Variants in POLR2J observed in about 807,000 individuals in gnomAD.
POLR2J encodes the protein RNA polymerase II subunit J, also known as DNA-directed RNA polymerase II subunit RPB11-a.
A neutral mutation model predicts 13.4 loss-of-function variants in POLR2J; 12 were observed. That is an observed-to-expected ratio of 0.90 (90% CI 0.57 to 1.45). The LOEUF is 1.45. Among genes scored for constraint, POLR2J ranks in the 40% most tolerant of loss-of-function variants. The pLI, the probability that POLR2J is intolerant of heterozygous loss-of-function variation, is 0.00. For missense variants in POLR2J, 58 were observed against 132.0 expected (o/e 0.44, Z 2.75); for synonymous variants, 31 against 53.6 (o/e 0.58, Z 1.84).
intron 3 of POLR2J, 56 bp from the exon 4 acceptor site, chr7:102,473,740 G>A: frequency 9.3e-6 from 15 of 1,610,342 alleles, no homozygotes; most frequent in South Asian, 1.1e-5. Flanking sequence ...CAAGGACGCT[G>A]GAAACACATG....
intron 3 of POLR2J, 70 bp from the exon 4 acceptor site, chr7:102,473,754 A>G (rs1798317347): frequency 1.2e-6 from 2 of 1,602,140 alleles, no homozygotes; most frequent in Non-Finnish European, 1.7e-6. Context: ...ACACATGCCC[A>G]GCATCCCCCC....
Position 102,473,349 on chromosome 7 carries a change from T to G in POLR2J, c.*300A>C, listed in dbSNP as rs992837181. ...TGGACCCCGGATCTTTGGTCCAGAA[T>G]GAATTCATCCCTGCCAGCCGGACGC... On this transcript the variant is annotated 3_prime_UTR_variant, in exon 4 of 4. Coordinates refer to ENST00000292614, the MANE Select transcript of POLR2J (RefSeq NM_006234.6). 2 of 564,466 alleles carry G rather than the reference T, an allele frequency of 3.5e-6. No homozygotes were observed. Among genetic ancestry groups the G allele is most frequent in the South Asian group, 5.0e-5 (2 of 39,764 alleles). 35.0% of individuals were successfully genotyped at this position (564,466 alleles called of 1,614,324 possible).
In POLR2J at chr7:102,478,897, G is replaced by C. The variant is rs750309933; in HGVS notation, c.-37C>G. On this transcript the variant is annotated 5_prime_UTR_variant, in exon 1 of 4. Transcript: ENST00000292614. Reference sequence around the variant, plus strand: ...CGTTGCGTCCAGACCCCAAGGGTCCGCCGCCGCCGCCACCAGAGCCCTAAT... The same window carrying C: ...CGTTGCGTCCAGACCCCAAGGGTCCCCCGCCGCCGCCACCAGAGCCCTAAT... 2.7e-6 allele frequency: 4 copies of C among 1,459,396 alleles called. No homozygotes were observed. The highest frequency in any genetic ancestry group is 4.6e-5 in the East Asian group (2 of 43,522). 90.4% of individuals were successfully genotyped at this position (1,459,396 alleles called of 1,614,324 possible).
chr7:102,473,515 G>T lies in POLR2J; in HGVS notation c.*134C>A. 7.4e-7 allele frequency: 1 copy of T among 1,350,146 alleles called. No homozygotes were observed. The highest frequency in any genetic ancestry group is 1.4e-5 in the African/African-American group (1 of 69,748). 83.6% of individuals were successfully genotyped at this position (1,350,146 alleles called of 1,614,324 possible). A position where few individuals can be genotyped will look rare whatever the true frequency, so the allele number is the denominator to read the frequency against. On this transcript the variant is annotated 3_prime_UTR_variant, in exon 4 of 4. Coordinates refer to ENST00000292614, the MANE Select transcript of POLR2J (RefSeq NM_006234.6). ...CCTAATCTATGTACAGGACACGTCG[G>T]TGTCAGGGTGAGGGGTGGCCACAAG...
rs1191256748 is a variant in POLR2J, at chr7:102,474,609, G to C, written c.144-74C>G. 1.5e-4 allele frequency: 209 copies of C among 1,409,152 alleles called. 2 individuals are homozygous for C. The highest frequency in any genetic ancestry group is 4.8e-4 in the Middle Eastern group (2 of 4,172). 87.3% of individuals were successfully genotyped at this position (1,409,152 alleles called of 1,614,324 possible). A position where few individuals can be genotyped will look rare whatever the true frequency, so the allele number is the denominator to read the frequency against. ...GGGTAGCAGCCAGCTCAGAGCAGAAGAACAGACTTTCTAGCCAAAAATCCC... is the reference window on the plus strand; with the variant it reads ...GGGTAGCAGCCAGCTCAGAGCAGAACAACAGACTTTCTAGCCAAAAATCCC... On this transcript the variant is annotated intron_variant, in intron 2 of 3. Coordinates refer to ENST00000292614, the MANE Select transcript of POLR2J (RefSeq NM_006234.6).
rs754227739 is a variant in POLR2J, at chr7:102,474,561, G to C, written c.144-26C>G. ...CTGAGGTCAGGGACAGACAGTGTGA[G>C]GGTCTAGCCTCATGCCCAAGCTGGG... is the stretch of plus-strand genomic sequence containing the variant. On this transcript the variant is annotated intron_variant, in intron 2 of 3. Coordinates refer to ENST00000292614, the MANE Select transcript of POLR2J (RefSeq NM_006234.6). 39 of 1,255,646 alleles carry C rather than the reference G, an allele frequency of 3.1e-5. 5 individuals are homozygous for C. In the South Asian group the frequency reaches 4.6e-4, roughly 15 times the overall value. 77.8% of individuals were successfully genotyped at this position (1,255,646 alleles called of 1,614,324 possible).
In POLR2J at chr7:102,474,273, C is replaced by T. The variant is rs530158578; in HGVS notation, c.318+88G>A. 1.4e-4 allele frequency: 231 copies of T among 1,608,888 alleles called. 2 individuals are homozygous for T. In the African/African-American group the frequency reaches 2.5e-3, roughly 17 times the overall value. Reference sequence around the variant, plus strand: ...ACTGCCGCCTCTCCCCCAGGACCTCCGAAGAAACAGGCCAGGGCTGTCCCA... The same window carrying T: ...ACTGCCGCCTCTCCCCCAGGACCTCTGAAGAAACAGGCCAGGGCTGTCCCA... On this transcript the variant is annotated intron_variant, in intron 3 of 3. Transcript: ENST00000292614.
rs1004368449 is a variant in POLR2J, at chr7:102,474,053, C to T, written c.318+308G>A. 64 of 1,448,836 alleles carry T rather than the reference C, an allele frequency of 4.4e-5. No individual in the cohort carries two copies. The Middle Eastern group carries it at 7.6e-4, about 17-fold the overall frequency. The allele number at this position is 1,448,836 out of a possible 1,614,324, so 89.7% of individuals were successfully genotyped here. ...GAGACCTGGAAGGACCAGGCCTTGCCAATCACCAACAAGGGACGTAGAAGA... is the reference window on the plus strand; with the variant it reads ...GAGACCTGGAAGGACCAGGCCTTGCTAATCACCAACAAGGGACGTAGAAGA... On this transcript the variant is annotated intron_variant, in intron 3 of 3. Coordinates refer to ENST00000292614, the MANE Select transcript of POLR2J (RefSeq NM_006234.6).
In POLR2J at chr7:102,474,351, C is replaced by G; in HGVS notation, c.318+10G>C. Reference sequence around the variant, plus strand: ...CCCACCCCGTCTGCCCCTCCAGGCCCCGCCCTCACCCGAAAGCGCTCCTCC... The same window carrying G: ...CCCACCCCGTCTGCCCCTCCAGGCCGCGCCCTCACCCGAAAGCGCTCCTCC... On this transcript the variant is annotated intron_variant, in intron 3 of 3. Coordinates refer to ENST00000292614, the MANE Select transcript of POLR2J (RefSeq NM_006234.6). 1 of 1,611,956 alleles carries G rather than the reference C, an allele frequency of 6.2e-7. No individual in the cohort carries two copies. The highest frequency in any genetic ancestry group is 2.2e-5 in the East Asian group (1 of 44,848).
At chr7:102,473,747 C>A (rs886357916) in intron 3 of POLR2J, 63 bp from the exon 4 acceptor site, 4 of 1,605,724 alleles carry the variant, frequency 2.5e-6, no homozygotes, top group East Asian at 2.2e-5. Flanking sequence ...GCTGGAAACA[C>A]ATGCCCAGCA....
chr7:102,476,492 T>C (rs1185888712), intron 1 of POLR2J, among the ~76,000 whole-genome samples: 3 of 149,614 alleles, frequency 2.0e-5, no homozygotes, highest in Non-Finnish European at 4.4e-5. Flanking sequence ...AAAAAAAAAT[T>C]AGCTGAGTGT....
Position 102,473,616 on chromosome 7 carries a change from G to C in POLR2J, c.*33C>G. The C allele has an allele frequency of 6.2e-7, 1 of 1,613,276 alleles. No homozygotes were observed. On this transcript the variant is annotated 3_prime_UTR_variant, in exon 4 of 4. Transcript: ENST00000292614. ...GAGGGTCAGGCACAGGTAGGAACGG[G>C]GCTCACAGGCCGAGCAGAGCCCCCT...
rs1320129594 is a variant in POLR2J at position 102,478,887 on chromosome 7, C to G, written c.-27G>C. The G allele has an allele frequency of 3.1e-6, 5 of 1,610,172 alleles. No individual in the cohort carries two copies. In the South Asian group the frequency reaches 4.4e-5, roughly 14 times the overall value. ...CTCCCGCCGCCGTTGCGTCCAGACC[C>G]CAAGGGTCCGCCGCCGCCGCCACCA... On this transcript the variant is annotated 5_prime_UTR_variant, in exon 1 of 4. Transcript: ENST00000292614.
chr7:102,475,410 G>A (rs4358740), intron 2 of POLR2J, among the ~76,000 whole-genome samples: 8,869 of 151,906 alleles, frequency 0.058, 139 homozygotes, highest in Non-Finnish European at 0.071. Flanking sequence ...GCCCATTAGG[G>A]GCACTGGATA....
intron 2 of POLR2J, among the ~76,000 whole-genome samples, chr7:102,475,576 C>G (rs1486584182): frequency 6.6e-6 from 1 of 152,224 alleles, no homozygotes; most frequent in Non-Finnish European, 1.5e-5. Context: ...GAATAACACA[C>G]AGGCCTACTG....
chr7:102,474,040 G>A (rs1395637583), intron 3 of POLR2J: 28 of 1,446,460 alleles, frequency 1.9e-5, no homozygotes, highest in Middle Eastern at 5.1e-4. Context: ...GACCTGGAAG[G>A]ACCAGGCCTT....
In POLR2J at chr7:102,478,906, G is replaced by C. The variant is rs748883210; in HGVS notation, c.-46C>G. 6 of 1,608,840 alleles carry C rather than the reference G, an allele frequency of 3.7e-6. No individual in the cohort carries two copies. The African/African-American group carries it at 4.0e-5, about 11-fold the overall frequency. ...CAGACCCCAAGGGTCCGCCGCCGCC[G>C]CCACCAGAGCCCTAATAAGAGGCCT... On this transcript the variant is annotated 5_prime_UTR_variant, in exon 1 of 4. Coordinates refer to ENST00000292614, the MANE Select transcript of POLR2J (RefSeq NM_006234.6).
chr7:102,474,303 T>C lies in POLR2J; in HGVS notation c.318+58A>G, dbSNP rs201181784. On this transcript the variant is annotated intron_variant, in intron 3 of 3. Coordinates refer to ENST00000292614, the MANE Select transcript of POLR2J (RefSeq NM_006234.6). ...AAACAGGCCAGGGCTGTCCCAGGCC[T>C]GGGCACACGGGCCAGTGTCCAGCCC... 1.3e-3 allele frequency: 2,086 copies of C among 1,611,456 alleles called. 7 individuals carry two copies. The highest frequency in any genetic ancestry group is 1.6e-3 in the Non-Finnish European group (1,898 of 1,179,654).
intron 2 of POLR2J, among the ~76,000 whole-genome samples, 160 bp downstream of exon 2, chr7:102,476,021 G>A (rs1158034672): frequency 7.5e-6 from 1 of 132,852 alleles, no homozygotes; most frequent in East Asian, 2.0e-4. Context: ...GGAGGTCGGT[G>A]TCATTTTGAT....
Sources: gnomAD v4.1 joint callset for allele counts (sites outside exome capture counted in the v4.1 genomes callset) on GRCh38, gnomAD v4.1.1 for gene constraint, MANE v1.5 for transcripts, NCBI Gene and HGNC (gene_info 2026-07-23, HGNC 2026-07-21) for gene names.